The following SGPP2 variants were observed in gnomAD, a reference collection of about 807,000 sequenced individuals.
SGPP2 encodes the protein sphingosine-1-phosphate phosphatase 2.
A neutral mutation model predicts 33.9 loss-of-function variants in SGPP2; 30 were observed. The ratio of observed to expected loss-of-function variants is 0.89; its 90% CI spans 0.66 to 1.20. SGPP2 has a LOEUF of 1.20. Among genes scored for constraint, SGPP2 ranks in the 50% most tolerant of loss-of-function variants. The pLI is 0.00. For missense variants in SGPP2, 458 were observed against 532.1 expected, an observed-to-expected ratio of 0.86 and a Z score of 1.37; for synonymous variants, 233 against 225.0, an observed-to-expected ratio of 1.04 and a Z score of -0.32.
intron 2 of SGPP2, among the ~76,000 whole-genome samples, chr2:222,501,600 C>A (rs1457059866): frequency 6.6e-6 from 1 of 152,136 alleles, no homozygotes; most frequent in East Asian, 1.9e-4. Context: ...AAATGGCAGA[C>A]CTGACCTCAC....
At chr2:222,464,519 A>G (rs370997341) in intron 1 of SGPP2, among the ~76,000 whole-genome samples, 12 of 152,132 alleles carry the variant, frequency 7.9e-5, no homozygotes, top group African/African-American at 1.2e-4. Flanking sequence ...GTCTCACTCT[A>G]TTGCCCATGC....
At chr2:222,519,825 G>A (rs533989556) in intron 2 of SGPP2, among the ~76,000 whole-genome samples, 2 of 152,270 alleles carry the variant, frequency 1.3e-5, no homozygotes, top group East Asian at 3.9e-4. Flanking sequence ...CTCCATCCAT[G>A]TTGTTGCAAG....
At chr2:222,536,158 A>G (rs778111917) in intron 4 of SGPP2, among the ~76,000 whole-genome samples, 2 of 152,160 alleles carry the variant, frequency 1.3e-5, no homozygotes, top group Non-Finnish European at 2.9e-5. Flanking sequence ...TGGATTATAT[A>G]GTGTGTTACA....
rs773343235 is a variant in SGPP2 at position 222,559,169 on chromosome 2, C to T, written c.*271C>T. On this transcript the variant is annotated 3_prime_UTR_variant, in exon 5 of 5. Coordinates refer to ENST00000321276, the MANE Select transcript of SGPP2 (RefSeq NM_152386.4). ...TTAAAGGCACACACCGCGCCCCCCC[C>T]CCCCCCGCCCGGCCCCTGCTCCTCT... 2,448 of 112,614 alleles carry T rather than the reference C, an allele frequency of 0.022. 407 individuals are homozygous for T. The highest frequency in any genetic ancestry group is 0.032 in the Non-Finnish European group (1,812 of 56,998). The allele number at this position is 112,614 out of a possible 1,614,324, so 7.0% of individuals were successfully genotyped here.
intron 3 of SGPP2, among the ~76,000 whole-genome samples, chr2:222,522,524 T>G (rs1215352005): frequency 2.6e-5 from 4 of 152,274 alleles, no homozygotes; most frequent in Non-Finnish European, 5.9e-5. Flanking sequence ...AGAATTTTAC[T>G]TAATATCTGC....
chr2:222,425,941 T>C (rs1179558247), intron 1 of SGPP2, among the ~76,000 whole-genome samples: 3 of 152,134 alleles, frequency 2.0e-5, no homozygotes, highest in East Asian at 3.9e-4. Context: ...TCCTCCTCTG[T>C]ATTTTTTCCT....
At chr2:222,502,731 T>C (rs909180200) in intron 2 of SGPP2, among the ~76,000 whole-genome samples, 1 of 152,224 alleles carries the variant, frequency 6.6e-6, no homozygotes, top group Non-Finnish European at 1.5e-5. Context: ...AGCTGCTTAT[T>C]ATCAATACAC....
At chr2:222,440,346 G>GT (rs1270000635) in intron 1 of SGPP2, among the ~76,000 whole-genome samples, 2 of 61,770 alleles carry the variant, frequency 3.2e-5, no homozygotes, top group Admixed American at 2.3e-4. Context: ...TTTTGTTTTT[G>GT]TTTTTGTTTT....
chr2:222,445,351 T>G (rs2106070557), intron 1 of SGPP2, among the ~76,000 whole-genome samples: 1 of 152,340 alleles, frequency 6.6e-6, no homozygotes, highest in African/African-American at 2.4e-5. Flanking sequence ...CTGGCTTGCA[T>G]TCCTGCATAA....
intron 1 of SGPP2, among the ~76,000 whole-genome samples, chr2:222,461,612 A>G (rs1697661610): frequency 1.3e-5 from 2 of 151,982 alleles, no homozygotes; most frequent in African/African-American, 4.8e-5. Context: ...GGTCCCATCT[A>G]AGGGTGATGG....
In SGPP2 at chr2:222,519,195, A is replaced by C. The variant is rs114865565; in HGVS notation, c.379-2572A>C. 7.5e-3 allele frequency among the ~76,000 whole-genome samples: 1,145 copies of C among 152,346 alleles called. 10 individuals carry two copies. The highest frequency in any genetic ancestry group is 0.026 in the African/African-American group (1,062 of 41,572). On this transcript the variant is annotated intron_variant, in intron 2 of 4. Coordinates refer to ENST00000321276, the MANE Select transcript of SGPP2 (RefSeq NM_152386.4). ...AAGCCCACAACAAAGTGATTTGTAC[A>C]AGAGGACTATATAGTGCGGTGCTTC...
At chr2:222,548,812 GCCT>G (rs2106153924) in intron 4 of SGPP2, among the ~76,000 whole-genome samples, 1 of 152,172 alleles carries the variant, frequency 6.6e-6, no homozygotes, top group South Asian at 2.1e-4. Flanking sequence ...GAATAATGTT[GCCT>G]CCTCCTTGTG....
intron 2 of SGPP2, among the ~76,000 whole-genome samples, chr2:222,488,997 A>G (rs1698157235): frequency 6.6e-6 from 1 of 152,248 alleles, no homozygotes; most frequent in Non-Finnish European, 1.5e-5. Context: ...TTCCAAAAAC[A>G]CTGTAACTTG....
intron 1 of SGPP2, among the ~76,000 whole-genome samples, chr2:222,451,566 G>C (rs370762059): frequency 6.6e-6 from 1 of 152,298 alleles, no homozygotes; most frequent in East Asian, 1.9e-4. Context: ...GGGCTGTGTC[G>C]TGAGGCACAG....
intron 2 of SGPP2, among the ~76,000 whole-genome samples, chr2:222,486,087 G>C (rs1362904322): frequency 6.6e-6 from 1 of 152,200 alleles, no homozygotes; most frequent in Non-Finnish European, 1.5e-5. Flanking sequence ...TTGTGGGTTT[G>C]GCTGCCACAA....
intron 2 of SGPP2, among the ~76,000 whole-genome samples, chr2:222,482,156 C>A (rs1461282046): frequency 6.6e-6 from 1 of 152,088 alleles, no homozygotes; most frequent in Non-Finnish European, 1.5e-5. Flanking sequence ...GAAAGGAGCA[C>A]CAGGCTGATG....
intron 1 of SGPP2, among the ~76,000 whole-genome samples, chr2:222,469,624 T>C (rs947010914): frequency 6.6e-6 from 1 of 152,172 alleles, no homozygotes; most frequent in Non-Finnish European, 1.5e-5. Context: ...GCTCCTCTCT[T>C]CTCTGCCATT....
At chr2:222,552,654 A>G (rs1344033636) in intron 4 of SGPP2, among the ~76,000 whole-genome samples, 1 of 152,124 alleles carries the variant, frequency 6.6e-6, no homozygotes, top group Non-Finnish European at 1.5e-5. Context: ...TGAGGTTGGG[A>G]GTTTGAGACC....
intron 2 of SGPP2, among the ~76,000 whole-genome samples, chr2:222,507,192 C>T (rs1236088021): frequency 6.6e-6 from 1 of 152,080 alleles, no homozygotes; most frequent in African/African-American, 2.4e-5. Context: ...GCGCAAATGG[C>T]TTGGTTTGAT....
Sources: gnomAD v4.1 joint callset for allele counts (sites outside exome capture counted in the v4.1 genomes callset) on GRCh38, gnomAD v4.1.1 for gene constraint, MANE v1.5 for transcripts, NCBI Gene and HGNC (gene_info 2026-07-23, HGNC 2026-07-21) for gene names.